CADPS: variants seen among roughly 807,000 people sequenced by gnomAD.
CADPS encodes calcium dependent secretion activator, also known as calcium-dependent secretion activator 1.
In CADPS, 57 loss-of-function variants were observed where a neutral mutation model predicts 167.3. The observed-to-expected ratio is 0.34, with a 90% confidence interval of 0.28 to 0.42. The LOEUF (loss-of-function observed/expected upper bound fraction) is 0.42. Ranked by LOEUF, CADPS falls within the 20% of genes least tolerant of loss-of-function variation. The pLI, the probability that CADPS is intolerant of heterozygous loss-of-function variation, is 1.00. For synonymous variants in CADPS, 676 were observed against 635.3 expected, an observed-to-expected ratio of 1.06 and a Z score of -0.96; for missense variants, 1,414 against 1,738.1, an observed-to-expected ratio of 0.81 and a Z score of 3.32.
intron 1 of CADPS, among the ~76,000 whole-genome samples, chr3:62,839,554 T>C (rs753993596): frequency 2.0e-5 from 3 of 152,104 alleles, no homozygotes; most frequent in African/African-American, 7.2e-5. Flanking sequence ...AAGTGAGCAG[T>C]AGGGTGAGGC....
chr3:62,872,484 T>C (rs2153224599), intron 1 of CADPS, among the ~76,000 whole-genome samples: 1 of 152,336 alleles, frequency 6.6e-6, no homozygotes, highest in African/African-American at 2.4e-5. Context: ...CTGGGATATG[T>C]ATTTAGCAAC....
chr3:62,665,012 A>G (rs1014781848), intron 3 of CADPS, among the ~76,000 whole-genome samples: 5 of 152,100 alleles, frequency 3.3e-5, no homozygotes, highest in Admixed American at 1.3e-4. Flanking sequence ...CAAGTCCCTG[A>G]CTCCATGGAG....
chr3:62,772,665 C>G (rs962177668), intron 1 of CADPS, among the ~76,000 whole-genome samples: 1 of 152,122 alleles, frequency 6.6e-6, no homozygotes, highest in Non-Finnish European at 1.5e-5. Flanking sequence ...TTTTCTCTTA[C>G]TGGCAGCCAG....
At chr3:62,453,528 A>G (rs1452095929) in intron 26 of CADPS, among the ~76,000 whole-genome samples, 1 of 152,192 alleles carries the variant, frequency 6.6e-6, no homozygotes, top group Non-Finnish European at 1.5e-5. Context: ...TCAATACATA[A>G]TCTGGATGCT....
At chr3:62,464,407 A>G (rs2059715486) in intron 26 of CADPS, among the ~76,000 whole-genome samples, 1 of 152,132 alleles carries the variant, frequency 6.6e-6, no homozygotes, top group Non-Finnish European at 1.5e-5. Flanking sequence ...GTGGGTCCTA[A>G]ATTGATTCCC....
intron 13 of CADPS, chr3:62,530,821 A>AG: frequency 7.9e-7 from 1 of 1,264,110 alleles, no homozygotes; most frequent in Admixed American, 2.5e-5. Context: ...GACTTTGGAG[A>AG]GGGGGTGGTC....
chr3:62,431,146 A>G (rs2053852305), intron 28 of CADPS, among the ~76,000 whole-genome samples: 1 of 152,170 alleles, frequency 6.6e-6, no homozygotes, highest in Non-Finnish European at 1.5e-5. Context: ...TTTCAGATTG[A>G]TAACCTCGGG....
At chr3:62,785,548 T>C (rs2092335935) in intron 1 of CADPS, among the ~76,000 whole-genome samples, 1 of 152,142 alleles carries the variant, frequency 6.6e-6, no homozygotes, top group Non-Finnish European at 1.5e-5. Context: ...TTCCCAAGAC[T>C]GAAAGAATGT....
In CADPS at chr3:62,399,473, C is replaced by A; in HGVS notation, c.3995G>T (p.Ser1332Ile). Residue 1332 changes from serine (S) to isoleucine (I), a missense_variant, in exon 30 of 30, where the codon AGT (serine) becomes ATT (isoleucine). By Grantham distance (142) the Ser-to-Ile change is moderately radical. Transcript: ENST00000383710. This position sits in a 1 kb window ranked among gnomAD's most constrained non-coding sequence, Gnocchi z 5.6. Reference protein sequence around the residue: ...LTVEEATASVSEGGGLQGISM... With the variant: ...LTVEEATASVIEGGGLQGISM... ...GATGCCCTGCAGTCCCCCACCTTCA[C>A]TCACTGATGCTGTGGCTTCCTCCAC... 6.2e-7 allele frequency: 1 copy of A among 1,614,202 alleles called. No homozygotes were observed. The highest frequency in any genetic ancestry group is 2.2e-5 in the East Asian group (1 of 44,880).
chr3:62,818,463 A>G (rs2094732755), intron 1 of CADPS, among the ~76,000 whole-genome samples: 1 of 152,220 alleles, frequency 6.6e-6, no homozygotes, highest in Non-Finnish European at 1.5e-5. Flanking sequence ...AATAGGTATC[A>G]GGAAAATGCA....
intron 3 of CADPS, among the ~76,000 whole-genome samples, chr3:62,707,867 T>C (rs1000773917): frequency 1.3e-5 from 2 of 152,104 alleles, no homozygotes; most frequent in African/African-American, 4.8e-5. Context: ...TTGCATTATA[T>C]TTGTATTGAA....
chr3:62,608,883 C>T (rs559937436), intron 6 of CADPS, among the ~76,000 whole-genome samples: 7 of 152,260 alleles, frequency 4.6e-5, no homozygotes, highest in South Asian at 2.1e-4. Flanking sequence ...CCAACTTGTA[C>T]GCCTCCTTCC....
chr3:62,452,416 G>T (rs998711012), intron 26 of CADPS, among the ~76,000 whole-genome samples: 2 of 152,206 alleles, frequency 1.3e-5, no homozygotes, highest in African/African-American at 4.8e-5. Flanking sequence ...AGCTACATAA[G>T]GCTAGTGACT....
chr3:62,498,898 A>G (rs1009016235), intron 18 of CADPS, among the ~76,000 whole-genome samples: 2 of 152,202 alleles, frequency 1.3e-5, no homozygotes, highest in African/African-American at 4.8e-5. Context: ...TTGAATGATT[A>G]ACTTTAAAAA....
At chr3:62,716,606 G>C (rs1257503875) in intron 3 of CADPS, among the ~76,000 whole-genome samples, 1 of 150,814 alleles carries the variant, frequency 6.6e-6, no homozygotes, top group Non-Finnish European at 1.5e-5. Flanking sequence ...TGACTTTACT[G>C]TCTATATCAA....
At chr3:62,632,956 C>A (rs2065575634) in intron 6 of CADPS, among the ~76,000 whole-genome samples, 1 of 152,080 alleles carries the variant, frequency 6.6e-6, no homozygotes, top group Non-Finnish European at 1.5e-5. Flanking sequence ...ATCCACTACC[C>A]ACATGGTTGT....
intron 21 of CADPS, among the ~76,000 whole-genome samples, chr3:62,488,954 A>T (rs1255065455): frequency 6.6e-6 from 1 of 152,238 alleles, no homozygotes; most frequent in Non-Finnish European, 1.5e-5. Flanking sequence ...ATTATTCGCA[A>T]CTATTATTCC....
chr3:62,510,702 C>T (rs960352892), intron 17 of CADPS, among the ~76,000 whole-genome samples: 4 of 152,072 alleles, frequency 2.6e-5, no homozygotes, highest in Admixed American at 2.6e-4. Flanking sequence ...ATATTTCAGT[C>T]CCCAGTATTC....
chr3:62,849,076 T>C (rs1239537467), intron 1 of CADPS, among the ~76,000 whole-genome samples: 1,537 of 149,584 alleles, frequency 0.01, 17 homozygotes, highest in African/African-American at 0.037. Context: ...ATTTGGCTGT[T>C]TGTCTGTTGT....
Sources: allele counts gnomAD v4.1 joint callset (sites outside exome capture counted in the v4.1 genomes callset), GRCh38; gene constraint gnomAD v4.1.1; non-coding constraint Gnocchi (gnomAD v3.1); transcripts MANE v1.5; gene names NCBI Gene and HGNC (gene_info 2026-07-23, HGNC 2026-07-21).